Variants in GNB1 observed in about 807,000 individuals in gnomAD.
GNB1 encodes the protein guanine nucleotide-binding protein G(I)/G(S)/G(T) subunit beta-1.
In GNB1, 2 loss-of-function variants were observed where a neutral mutation model predicts 42.9. The observed-to-expected ratio is 0.05, with a 90% CI of 0.02 to 0.15. The LOEUF (loss-of-function observed/expected upper bound fraction) is 0.15, where lower values mean the gene tolerates loss of function less well. Among genes scored for constraint, GNB1 ranks in the 10% least tolerant of loss-of-function variants. GNB1 has a pLI of 1.00. For synonymous variants in GNB1, 183 were observed against 174.7 expected (o/e 1.05, Z -0.38); for missense variants, 193 against 462.2 (o/e 0.42, Z 5.34).
intron 1 of GNB1, among the ~76,000 whole-genome samples, chr1:1,882,855 AGGTTGCAGTGAGCCGAGATCAT>A (rs1412410574): frequency 6.6e-6 from 1 of 151,018 alleles, no homozygotes; most frequent in East Asian, 1.9e-4. Flanking sequence ...CAGGAGGTGG[AGGTTGCAGTGAGCCGAGATCAT>A]GTCACTGCAC....
chr1:1,819,379 C>T (rs999010477), intron 3 of GNB1, among the ~76,000 whole-genome samples: 1 of 152,066 alleles, frequency 6.6e-6, no homozygotes, highest in Non-Finnish European at 1.5e-5. Flanking sequence ...TGTGCCACCA[C>T]ACCGGCTAAT....
At chr1:1,833,081 C>T (rs1213705544) in intron 2 of GNB1, among the ~76,000 whole-genome samples, 2 of 152,148 alleles carry the variant, frequency 1.3e-5, no homozygotes, top group Non-Finnish European at 2.9e-5. Context: ...AGTCCTGAGT[C>T]ACCTGGTCAC....
At chr1:1,863,969 C>T (rs1332098080) in intron 1 of GNB1, among the ~76,000 whole-genome samples, 1 of 152,184 alleles carries the variant, frequency 6.6e-6, no homozygotes, top group Middle Eastern at 3.4e-3. Context: ...AAGGCCAAGG[C>T]GGGTGGATCC....
Position 1,846,212 on chromosome 1 carries a change from T to TA in GNB1, c.-95-6975dup, listed in dbSNP as rs879266419. Among the ~76,000 whole-genome samples, 1,049 of 143,320 alleles carry TA rather than the reference T, an allele frequency of 7.3e-3. 18 individuals are homozygous for TA. Among genetic ancestry groups the TA allele is most frequent in the African/African-American group, 0.024 (933 of 39,092 alleles). The allele number at this position is 143,320 out of a possible 152,430, so 94.0% of individuals were successfully genotyped here. ...CACAAGCACATGGTAACATATAAAT[T>TA]AAAAAAAAAAAGAGGAAAAGCGAAG... On this transcript the variant is annotated intron_variant, in intron 1 of 11. Coordinates refer to ENST00000378609, the MANE Select transcript of GNB1 (RefSeq NM_002074.5).
At chr1:1,814,000 T>G in intron 5 of GNB1, among the ~76,000 whole-genome samples, 1 of 152,206 alleles carries the variant, frequency 6.6e-6, no homozygotes, top group East Asian at 1.9e-4. Context: ...TATGAACTAC[T>G]CTCCGTGCTG....
intron 1 of GNB1, among the ~76,000 whole-genome samples, chr1:1,880,232 C>T (rs1276897112): frequency 6.6e-6 from 1 of 152,196 alleles, no homozygotes; most frequent in Non-Finnish European, 1.5e-5. Flanking sequence ...CATGCCCAGC[C>T]AAGAACAGTA....
At chr1:1,822,811 T>C (rs1257202772) in intron 3 of GNB1, among the ~76,000 whole-genome samples, 2 of 152,178 alleles carry the variant, frequency 1.3e-5, no homozygotes, top group Non-Finnish European at 2.9e-5. Context: ...ACCTGTGCCA[T>C]ACAAGCTCTT....
chr1:1,788,652 G>A (rs1440252988), intron 10 of GNB1: 1 of 182,136 alleles, frequency 5.5e-6, no homozygotes, highest in Non-Finnish European at 1.2e-5. Flanking sequence ...TAGTAAGGAA[G>A]TCTCATCTTT....
In GNB1 at chr1:1,790,381, C is replaced by T; in HGVS notation, c.699+14G>A. The T allele has an allele frequency of 6.3e-7, 1 of 1,597,002 alleles. No homozygotes were observed. Among genetic ancestry groups the T allele is most frequent in the Non-Finnish European group, 8.6e-7 (1 of 1,164,400 alleles). On this transcript the variant is annotated intron_variant, in intron 9 of 11. Transcript: ENST00000378609. The surrounding 1 kb of genome is among the most constrained non-coding windows in gnomAD (Gnocchi z 5.4). ...CGGCAGAGGACCCGACCCCACACCT[C>T]CACCCAGACTCACGCAAATGGCATT... is the stretch of plus-strand genomic sequence containing the variant.
At position 1,830,496 on chromosome 1, in the gene GNB1, G is replaced by A. The variant is rs193282987; in HGVS notation, c.-46-4997C>T. ...CATCTCCTGACCTCGTGATCCGCCC[G>A]CCTCAGCCTCCCGAAGTGCTGGGAT... On this transcript the variant is annotated intron_variant, in intron 2 of 11. Transcript: ENST00000378609. 3.9e-3 allele frequency among the ~76,000 whole-genome samples: 588 copies of A among 151,496 alleles called. 5 individuals are homozygous for A. The highest frequency in any genetic ancestry group is 8.0e-3 in the Admixed American group (121 of 15,198).
rs1367799500 is a variant in GNB1 at position 1,839,085 on chromosome 1, GTC to G, written c.-47+103_-47+104del. ...AGTCTGAGCAACATGGCAAAACACT[GTC>G]TCTTTAAAAAACCAACCCACCAGCT... On this transcript the variant is annotated intron_variant, in intron 2 of 11. Coordinates refer to ENST00000378609, the MANE Select transcript of GNB1 (RefSeq NM_002074.5). 2.0e-5 allele frequency: 3 copies of G among 152,198 alleles called. No homozygotes were observed. The East Asian group carries it at 5.8e-4, about 29-fold the overall frequency. The allele number at this position is 152,198 out of a possible 1,614,324, so 9.4% of individuals were successfully genotyped here. A position where few individuals can be genotyped will look rare whatever the true frequency, so the allele number is the denominator to read the frequency against.
At chr1:1,844,290 C>T (rs1557921690) in intron 1 of GNB1, among the ~76,000 whole-genome samples, 1 of 151,632 alleles carries the variant, frequency 6.6e-6, no homozygotes, top group Non-Finnish European at 1.5e-5. Flanking sequence ...ACTTGAGAGG[C>T]TGAGGCAGGA....
chr1:1,798,433 G>A (rs1646576019), intron 7 of GNB1, among the ~76,000 whole-genome samples: 1 of 152,188 alleles, frequency 6.6e-6, no homozygotes, highest in Non-Finnish European at 1.5e-5. Context: ...TGAAGACACC[G>A]TGCCTAAAAA....
intron 7 of GNB1, among the ~76,000 whole-genome samples, chr1:1,799,350 T>A (rs775324882): frequency 6.6e-6 from 1 of 152,244 alleles, no homozygotes; most frequent in Non-Finnish European, 1.5e-5. Context: ...CCAGTTTTTT[T>A]ATTTTCTTGA....
chr1:1,817,909 T>C, intron 3 of GNB1, 34 bp from the exon 4 acceptor site: 1 of 1,552,090 alleles, frequency 6.4e-7, no homozygotes, highest in Non-Finnish European at 8.9e-7. Flanking sequence ...ATTAGCAACC[T>C]TTCAGATACA....
chr1:1,825,280 A>T (rs1265617093), intron 3 of GNB1, 117 bp downstream of exon 3: 1 of 763,322 alleles, frequency 1.3e-6, no homozygotes, highest in East Asian at 2.5e-5. Context: ...GCCAACTAAG[A>T]TTCAATTTCA....
chr1:1,800,206 C>A (rs746129005), intron 7 of GNB1, among the ~76,000 whole-genome samples: 2 of 152,140 alleles, frequency 1.3e-5, no homozygotes, highest in Non-Finnish European at 2.9e-5. Flanking sequence ...AAGGACCAAC[C>A]TCAGGAAGAT....
chr1:1,825,558 G>T, intron 2 of GNB1, 59 bp from the exon 3 acceptor site: 4 of 919,418 alleles, frequency 4.4e-6, no homozygotes, highest in Non-Finnish European at 3.6e-6. Flanking sequence ...AATGAAGCAG[G>T]TGAGAAAAGT....
intron 1 of GNB1, among the ~76,000 whole-genome samples, chr1:1,857,803 G>A (rs1442862687): frequency 6.6e-6 from 1 of 152,028 alleles, no homozygotes; most frequent in Non-Finnish European, 1.5e-5. Context: ...ACAAATGATA[G>A]GAACTTAATC....
Sources: allele counts gnomAD v4.1 joint callset (sites outside exome capture counted in the v4.1 genomes callset), GRCh38; gene constraint gnomAD v4.1.1; non-coding constraint Gnocchi (gnomAD v3.1); transcripts MANE v1.5; gene names NCBI Gene and HGNC (gene_info 2026-07-23, HGNC 2026-07-21).